The following INSYN1 variants were observed in gnomAD, a reference collection of about 807,000 sequenced individuals.
The protein encoded by INSYN1 is inhibitory synaptic factor 1.
Under a neutral mutation model 17.1 loss-of-function variants are expected in INSYN1, and 7 were observed. That is an observed-to-expected ratio of 0.41 (90% CI 0.23 to 0.77). INSYN1 has a LOEUF of 0.77. Ranked by LOEUF, INSYN1 falls within the 30% of genes least tolerant of loss-of-function variation. INSYN1 has a pLI of 0.32. For missense variants in INSYN1, 339 were observed against 400.6 expected (o/e 0.85, Z 1.31); for synonymous variants, 174 against 166.3 (o/e 1.05, Z -0.36).
intron 2 of INSYN1, among the ~76,000 whole-genome samples, chr15:73,748,097 C>A (rs1325719337): frequency 6.6e-6 from 1 of 152,072 alleles, no homozygotes; most frequent in Non-Finnish European, 1.5e-5. Context: ...GCATGCCAAG[C>A]CCCTAATAAA....
rs1596035670 is a variant in INSYN1, at chr15:73,739,931, T to C, written c.868A>G (p.Arg290Gly). 3 of 1,148,830 alleles carry C rather than the reference T, an allele frequency of 2.6e-6. No individual in the cohort carries two copies. The highest frequency in any genetic ancestry group is 3.7e-6 in the Non-Finnish European group (3 of 819,782). 71.2% of individuals were successfully genotyped at this position (1,148,830 alleles called of 1,614,324 possible). Residue 290 changes from arginine to glycine, a missense_variant, in exon 3 of 3, where the codon AGG (arginine) becomes GGG (glycine). Physicochemically the swap from Arg to Gly is moderately radical, Grantham distance 125 (BLOSUM62 -2). Coordinates refer to ENST00000569673, the MANE Select transcript of INSYN1 (RefSeq NM_001039614.3). ...CTCCCCGGCCCCTAGTTTTTCCCCC[T>C]GGCTTTCTGTCTAGTGGCTGTGTAG... ...LPYTATRQKA[R>G]GKN
chr15:73,741,179 A>C (rs1901682549), intron 2 of INSYN1, among the ~76,000 whole-genome samples: 2 of 152,160 alleles, frequency 1.3e-5, no homozygotes, highest in African/African-American at 2.4e-5. Flanking sequence ...CTGACTGGTG[A>C]CTGTCGCCCC....
At chr15:73,742,779 TC>T (rs982833653) in intron 2 of INSYN1, among the ~76,000 whole-genome samples, 1 of 151,984 alleles carries the variant, frequency 6.6e-6, no homozygotes, top group Non-Finnish European at 1.5e-5. Context: ...CAACCCAAGC[TC>T]CACCCAAGGG....
intron 1 of INSYN1, among the ~76,000 whole-genome samples, 200 bp from the exon 2 acceptor site, chr15:73,751,897 G>A (rs1901995543): frequency 6.6e-6 from 1 of 152,076 alleles, no homozygotes; most frequent in Non-Finnish European, 1.5e-5. Flanking sequence ...TGCTTTAGAA[G>A]CAGAAGTCCT....
Position 73,740,037 on chromosome 15 carries a change from C to T in INSYN1, c.762G>A (p.Leu254=). The change falls in exon 3 of 3, where the codon TTG becomes TTA. Residue 254 remains leucine (L), a synonymous_variant. Transcript: ENST00000569673. ...TGACCCTTCGAGTCTGTTCAGGGGC[C>T]AAGGTAGAGCCTGAGTGGCGGCTGG... ...PLTSRHSGST[L]APEQTRRVTR... The T allele has an allele frequency of 6.2e-7, 1 of 1,613,614 alleles. No homozygotes were observed. Among genetic ancestry groups the T allele is most frequent in the Non-Finnish European group, 8.5e-7 (1 of 1,179,920 alleles).
chr15:73,742,825 A>C (rs1901722926), intron 2 of INSYN1, among the ~76,000 whole-genome samples: 1 of 152,070 alleles, frequency 6.6e-6, no homozygotes. Flanking sequence ...AGGGACACTC[A>C]GACTTGAGTG....
At chr15:73,749,879 A>T (rs1901933598) in intron 2 of INSYN1, among the ~76,000 whole-genome samples, 1 of 152,092 alleles carries the variant, frequency 6.6e-6, no homozygotes, top group Non-Finnish European at 1.5e-5. Context: ...GTGCCCTTCA[A>T]ACAACCCCTC....
Position 73,735,684 on chromosome 15 carries a change from A to C in INSYN1, c.*4233T>G, listed in dbSNP as rs1901507616. 1.3e-5 allele frequency: 2 copies of C among 152,036 alleles called. No homozygotes were observed. The highest frequency in any genetic ancestry group is 2.4e-5 in the African/African-American group (1 of 41,368). 9.4% of individuals were successfully genotyped at this position (152,036 alleles called of 1,614,324 possible). A position where few individuals can be genotyped will look rare whatever the true frequency, so the allele number is the denominator to read the frequency against. ...CAGGCCACCCACTCCAGGCATTTTA[A>C]CTGCAGTGGATGTTTGCAGTAGATG... On this transcript the variant is annotated 3_prime_UTR_variant, in exon 3 of 3. Coordinates refer to ENST00000569673, the MANE Select transcript of INSYN1 (RefSeq NM_001039614.3).
chr15:73,745,840 A>AAAACAAAACAAAAC (rs1567036549), intron 2 of INSYN1, among the ~76,000 whole-genome samples: 3 of 32,030 alleles, frequency 9.4e-5, no homozygotes, highest in African/African-American at 1.1e-4. Flanking sequence ...CAAAACAAAA[A>AAAACAAAACAAAAC]AACTGCTGGG....
intron 2 of INSYN1, among the ~76,000 whole-genome samples, chr15:73,741,785 G>A (rs765300440): frequency 1.3e-5 from 2 of 152,160 alleles, no homozygotes; most frequent in African/African-American, 4.8e-5. Context: ...GTCAGAGCAG[G>A]CAATTAATTA....
At chr15:73,746,603 T>A (rs977330609) in intron 2 of INSYN1, among the ~76,000 whole-genome samples, 5 of 152,126 alleles carry the variant, frequency 3.3e-5, no homozygotes, top group Admixed American at 2.6e-4. Context: ...CGGTGGGGGA[T>A]CCTCCACTGC....
At chr15:73,750,126 G>A (rs897290235) in intron 2 of INSYN1, among the ~76,000 whole-genome samples, 5 of 152,208 alleles carry the variant, frequency 3.3e-5, no homozygotes, top group Non-Finnish European at 7.3e-5. Context: ...GGCACCCAGT[G>A]GGCAAATTCA....
Position 73,736,923 on chromosome 15 carries a change from GA to G in INSYN1, c.*2993del. The G allele has an allele frequency of 6.5e-6, 1 of 152,900 alleles. No homozygotes were observed. The highest frequency in any genetic ancestry group is 1.5e-5 in the Non-Finnish European group (1 of 68,606). The allele number at this position is 152,900 out of a possible 1,614,324, so 9.5% of individuals were successfully genotyped here. Reference sequence around the variant, plus strand: ...AAAAAACAAAACAAAACAAAAACAAGAAAAAGGAAGCCACAGGGATCCCACT... The same window carrying G: ...AAAAAACAAAACAAAACAAAAACAAGAAAAGGAAGCCACAGGGATCCCACT... On this transcript the variant is annotated 3_prime_UTR_variant, in exon 3 of 3. Transcript: ENST00000569673.
rs869224939 is a variant in INSYN1, at chr15:73,739,865, A to ATT, written c.*51_*52insAA. 282 of 328,846 alleles carry ATT rather than the reference A, an allele frequency of 8.6e-4. No individual in the cohort carries two copies. The highest frequency in any genetic ancestry group is 5.4e-3 in the African/African-American group (241 of 44,376). The allele number at this position is 328,846 out of a possible 1,614,324, so 20.4% of individuals were successfully genotyped here. On this transcript the variant is annotated 3_prime_UTR_variant, in exon 3 of 3. Transcript: ENST00000569673. The stretch of plus-strand genomic sequence containing the variant: ...TATATATATATATATATATATATAT[A>ATT]TATTTATTTATAGCTCTATGTGCCC...
rs1047399 is a variant in INSYN1 at position 73,752,625 on chromosome 15, G to A, written c.-1083C>T. On this transcript the variant is annotated 5_prime_UTR_variant, in exon 1 of 3. Coordinates refer to ENST00000569673, the MANE Select transcript of INSYN1 (RefSeq NM_001039614.3). The surrounding 1 kb of genome is among the most constrained non-coding windows in gnomAD (Gnocchi z 5.2). ...AGTGAGCTGGCACCGCCGGGCGCCCGGGACGCGCTCAGCCCGGACCCAGAA... is the reference window on the plus strand; with the variant it reads ...AGTGAGCTGGCACCGCCGGGCGCCCAGGACGCGCTCAGCCCGGACCCAGAA... 0.37 allele frequency: 56,566 copies of A among 152,010 alleles called. 11,019 individuals are homozygous for A. Among genetic ancestry groups the A allele is most frequent in the East Asian group, 0.58 (2,958 of 5,082 alleles). The allele number at this position is 152,010 out of a possible 1,614,324, so 9.4% of individuals were successfully genotyped here.
At chr15:73,741,714 C>T (rs1901695931) in intron 2 of INSYN1, among the ~76,000 whole-genome samples, 1 of 152,248 alleles carries the variant, frequency 6.6e-6, no homozygotes, top group African/African-American at 2.4e-5. Context: ...AAGAGATCCA[C>T]AGTGAGTCAT....
intron 2 of INSYN1, among the ~76,000 whole-genome samples, chr15:73,747,622 G>A (rs1235479830): frequency 6.6e-6 from 1 of 152,210 alleles, no homozygotes; most frequent in Non-Finnish European, 1.5e-5. Context: ...GAAAACAGAA[G>A]CACAGAGAGG....
rs763274205 is a variant in INSYN1 at position 73,740,096 on chromosome 15, G to C, written c.703C>G (p.Pro235Ala). 3 of 1,613,784 alleles carry C rather than the reference G, an allele frequency of 1.9e-6. No homozygotes were observed. Among genetic ancestry groups the C allele is most frequent in the African/African-American group, 1.3e-5 (1 of 74,992 alleles). Residue 235 changes from proline to alanine, a missense_variant, in exon 3 of 3, where the codon CCA becomes GCA. Transcript: ENST00000569673. ...EAHAGPHKPS[P>A]APYKSRRSPL... ...GAGCGCCGTGACTTGTAGGGGGCTG[G>C]GGAGGGCTTGTGGGGGCCTGCATGG... is the stretch of plus-strand genomic sequence containing the variant.
chr15:73,745,254 C>G (rs1239547437), intron 2 of INSYN1, among the ~76,000 whole-genome samples: 4 of 152,046 alleles, frequency 2.6e-5, no homozygotes, highest in Non-Finnish European at 5.9e-5. Context: ...TCCCTACCCA[C>G]CCCCTTTCCT....
Sources: allele counts gnomAD v4.1 joint callset (sites outside exome capture counted in the v4.1 genomes callset), GRCh38; gene constraint gnomAD v4.1.1; non-coding constraint Gnocchi (gnomAD v3.1); transcripts MANE v1.5; gene names NCBI Gene and HGNC (gene_info 2026-07-23, HGNC 2026-07-21).